Variants in CHRDL2 observed in about 807,000 individuals in gnomAD.
CHRDL2 encodes chordin like 2, also known as chordin-like protein 2.
A neutral mutation model predicts 54.3 loss-of-function variants in CHRDL2; 41 were observed. The ratio of observed to expected loss-of-function variants is 0.76; its 90% CI spans 0.59 to 0.98. The LOEUF is 0.98. CHRDL2 is among the 50% of genes least tolerant of loss of function. The pLI, the probability that CHRDL2 is intolerant of heterozygous loss-of-function variation, is 0.00. For synonymous variants in CHRDL2, 220 were observed against 224.3 expected, an observed-to-expected ratio of 0.98 and a Z score of 0.17; for missense variants, 518 against 562.4, an observed-to-expected ratio of 0.92 and a Z score of 0.80.
At chr11:74,703,577 G>C in intron 7 of CHRDL2, 78 bp from the exon 8 acceptor site, 4 of 1,328,678 alleles carry the variant, frequency 3.0e-6, no homozygotes, top group Non-Finnish European at 4.1e-6. Flanking sequence ...AGCGGGTGGG[G>C]TGGGCCCTTG....
In CHRDL2 at chr11:74,704,249, G is replaced by A. The variant is rs191389732; in HGVS notation, c.751+237C>T. ...ATCTTGTACTGTTCCAGAACTAGTT[G>A]TCTCTTACTCAATACTCTGAACCTC... On this transcript the variant is annotated intron_variant, in intron 7 of 10. Transcript: ENST00000376332. Among the ~76,000 whole-genome samples the A allele has an allele frequency of 2.8e-3, 429 of 152,314 alleles. 1 individual carries two copies. Among genetic ancestry groups the A allele is most frequent in the Non-Finnish European group, 3.3e-3 (222 of 68,036 alleles).
intron 3 of CHRDL2, among the ~76,000 whole-genome samples, chr11:74,711,366 C>G (rs905580647): frequency 1.3e-5 from 2 of 152,214 alleles, no homozygotes; most frequent in Non-Finnish European, 2.9e-5. Flanking sequence ...AGGCACTGTT[C>G]TAGGTGCTGG....
Position 74,702,055 on chromosome 11 carries a change from A to G in CHRDL2, c.1120+739T>C, listed in dbSNP as rs549602875. On this transcript the variant is annotated intron_variant, in intron 9 of 10. Coordinates refer to ENST00000376332, the MANE Select transcript of CHRDL2 (RefSeq NM_001278473.3). ...GATTGCTTGAGTCCAGGAGTTCCAGACTAGCCTGGGCAACATGGCAAAACC... is the reference window on the plus strand; with the variant it reads ...GATTGCTTGAGTCCAGGAGTTCCAGGCTAGCCTGGGCAACATGGCAAAACC... Among the ~76,000 whole-genome samples, 4 of 152,234 alleles carry G rather than the reference A, an allele frequency of 2.6e-5. No homozygotes were observed. In the South Asian group the frequency reaches 8.3e-4, roughly 32 times the overall value.
rs994082879 is a variant in CHRDL2 at position 74,710,966 on chromosome 11, C to T, written c.315G>A (p.Arg105=). The T allele has an allele frequency of 2.5e-6, 4 of 1,613,948 alleles. No homozygotes were observed. The highest frequency in any genetic ancestry group is 2.7e-5 in the African/African-American group (2 of 74,986). The change falls in exon 4 of 11, where the codon CGG becomes CGA. Residue 105 remains arginine (R), a synonymous_variant. Transcript: ENST00000376332. ...CVEPHTPSGL[R]APPKSCQHNG... The stretch of plus-strand genomic sequence containing the variant: ...TGTGCTGGCAGGACTTTGGTGGGGC[C>T]CGGAGTCCAGAGGGAGTGTGAGGTT...
intron 9 of CHRDL2, among the ~76,000 whole-genome samples, chr11:74,702,276 A>C (rs2033842832): frequency 6.6e-6 from 1 of 151,916 alleles, no homozygotes. Flanking sequence ...AAGTAGAAAA[A>C]ACTCCTCTTG....
intron 7 of CHRDL2, 123 bp from the exon 8 acceptor site, chr11:74,703,622 A>C: frequency 1.3e-6 from 1 of 780,580 alleles, no homozygotes; most frequent in South Asian, 1.9e-5. Context: ...GCCTAGCCAC[A>C]CTGCCTGCAA....
chr11:74,715,341 C>T (rs1325746021), intron 2 of CHRDL2, among the ~76,000 whole-genome samples: 8 of 152,304 alleles, frequency 5.3e-5, no homozygotes, highest in South Asian at 2.1e-4. Context: ...CAGTGGCTCA[C>T]GCCTGTAATC....
chr11:74,731,420 C>T lies in CHRDL2; in HGVS notation c.-532G>A, dbSNP rs1331191394. On this transcript the variant is annotated 5_prime_UTR_variant, in exon 1 of 11. Transcript: ENST00000376332. The surrounding 1 kb of genome is among the most constrained non-coding windows in gnomAD (Gnocchi z 4.4). ...AGGCTGAGCGCGGGCCGGCTGTGCTCGCCAAGGGCTTCAGGCGCCGCGCTC... is the reference window on the plus strand; with the variant it reads ...AGGCTGAGCGCGGGCCGGCTGTGCTTGCCAAGGGCTTCAGGCGCCGCGCTC... The T allele has an allele frequency of 6.6e-6, 1 of 151,592 alleles. No individual in the cohort carries two copies. 9.4% of individuals were successfully genotyped at this position (151,592 alleles called of 1,614,324 possible). A position where few individuals can be genotyped will look rare whatever the true frequency, so the allele number is the denominator to read the frequency against.
chr11:74,723,413 C>T (rs1285721729), intron 1 of CHRDL2, among the ~76,000 whole-genome samples: 4 of 152,202 alleles, frequency 2.6e-5, no homozygotes, highest in Admixed American at 2.0e-4. Flanking sequence ...CCTACATAGA[C>T]CATGCATAGA....
intron 7 of CHRDL2, 63 bp from the exon 8 acceptor site, chr11:74,703,562 C>T: frequency 1.3e-5 from 18 of 1,424,350 alleles, no homozygotes; most frequent in Non-Finnish European, 1.7e-5. Flanking sequence ...GGCCTCTGGT[C>T]CAGCAGCGGG....
At position 74,723,826 on chromosome 11, in the gene CHRDL2, C is replaced by T. The variant is rs571362257; in HGVS notation, c.83-4994G>A. Among the ~76,000 whole-genome samples, 73 of 152,282 alleles carry T rather than the reference C, an allele frequency of 4.8e-4. No homozygotes were observed. The Middle Eastern group carries it at 0.014, about 28-fold the overall frequency. On this transcript the variant is annotated intron_variant, in intron 1 of 10. Transcript: ENST00000376332. ...ACTCAGAATGATGTGCAATTTAAAA[C>T]GTATGAATTCTTTATTTCTGGAATT...
chr11:74,710,325 A>G (rs1380066315), intron 4 of CHRDL2, among the ~76,000 whole-genome samples: 7 of 152,016 alleles, frequency 4.6e-5, no homozygotes, highest in African/African-American at 1.7e-4. Flanking sequence ...TTTCCAGAGG[A>G]GGCCCTGCTT....
chr11:74,709,771 G>A (rs2034125591), intron 4 of CHRDL2, among the ~76,000 whole-genome samples: 2 of 152,186 alleles, frequency 1.3e-5, no homozygotes, highest in African/African-American at 4.8e-5. Flanking sequence ...TCTGATACTA[G>A]TCTGGAGAGA....
intron 9 of CHRDL2, chr11:74,698,731 C>A (rs1230942627): frequency 6.5e-6 from 1 of 153,098 alleles, no homozygotes; most frequent in Non-Finnish European, 1.4e-5. Context: ...ACCCCACATA[C>A]CCAGTCTAGG....
Position 74,730,788 on chromosome 11 carries a change from A to C in CHRDL2, c.82+19T>G. The C allele has an allele frequency of 6.3e-7, 1 of 1,599,026 alleles. No individual in the cohort carries two copies. Among genetic ancestry groups the C allele is most frequent in the Non-Finnish European group, 8.5e-7 (1 of 1,173,126 alleles). On this transcript the variant is annotated intron_variant, in intron 1 of 10. Coordinates refer to ENST00000376332, the MANE Select transcript of CHRDL2 (RefSeq NM_001278473.3). ...GGCCGCATCCCTCCTCTGCCCACCC[A>C]GCCTCCCGGTCTACTTACGGGCTCG... is the stretch of plus-strand genomic sequence containing the variant.
At chr11:74,708,125 T>TC (rs1274970692) in intron 5 of CHRDL2, among the ~76,000 whole-genome samples, 177 bp downstream of exon 5, 1 of 152,150 alleles carries the variant, frequency 6.6e-6, no homozygotes, top group African/African-American at 2.4e-5. Context: ...AAGTAACACA[T>TC]CAGCTTCTGC....
chr11:74,704,878 C>G (rs1046564973), intron 6 of CHRDL2, among the ~76,000 whole-genome samples: 1 of 152,146 alleles, frequency 6.6e-6, no homozygotes, highest in Admixed American at 6.5e-5. Context: ...ATTTGGAAAT[C>G]TGGCCTCCAC....
intron 1 of CHRDL2, among the ~76,000 whole-genome samples, chr11:74,729,855 G>GA (rs1187392857): frequency 1.3e-5 from 2 of 152,142 alleles, no homozygotes; most frequent in Admixed American, 6.5e-5. Context: ...GGGGAGGGGG[G>GA]ACCACCAGCC....
rs529935069 is a variant in CHRDL2 at position 74,704,368 on chromosome 11, G to A, written c.751+118C>T. The A allele has an allele frequency of 2.0e-5, 19 of 955,530 alleles. No individual in the cohort carries two copies. The Admixed American group carries it at 4.9e-4, about 25-fold the overall frequency. 59.2% of individuals were successfully genotyped at this position (955,530 alleles called of 1,614,324 possible). ...CGTTCTCCGAGTCTACAAGCTCATG[G>A]CCAAGTTGGAATTAGGGAACTGCTG... On this transcript the variant is annotated intron_variant, in intron 7 of 10. Transcript: ENST00000376332.
Sources: allele counts gnomAD v4.1 joint callset (sites outside exome capture counted in the v4.1 genomes callset), GRCh38; gene constraint gnomAD v4.1.1; non-coding constraint Gnocchi (gnomAD v3.1); transcripts MANE v1.5; gene names NCBI Gene and HGNC (gene_info 2026-07-23, HGNC 2026-07-21).